HHAT: variants seen among roughly 807,000 people sequenced by gnomAD.
The protein encoded by HHAT is hedgehog acyltransferase.
A neutral mutation model predicts 70.8 loss-of-function variants in HHAT; 47 were observed. The ratio of observed to expected loss-of-function variants is 0.66; its 90% CI spans 0.53 to 0.85. The LOEUF (loss-of-function observed/expected upper bound fraction) is 0.85, where lower values mean the gene tolerates loss of function less well. Ranked by LOEUF, HHAT falls within the 40% of genes least tolerant of loss-of-function variation. The pLI, the probability that HHAT is intolerant of heterozygous loss-of-function variation, is 0.00. For missense variants in HHAT, 609 were observed against 604.8 expected (o/e 1.01, Z -0.07); for synonymous variants, 228 against 247.6 (o/e 0.92, Z 0.74).
intron 9 of HHAT, among the ~76,000 whole-genome samples, chr1:210,581,655 T>C (rs572644826): frequency 5.3e-5 from 8 of 152,320 alleles, no homozygotes; most frequent in Admixed American, 6.5e-5. Context: ...CTTTTGACTT[T>C]AGTAGGGTAA....
At chr1:210,521,980 C>T (rs78366024) in intron 9 of HHAT, among the ~76,000 whole-genome samples, 171 of 152,202 alleles carry the variant, frequency 1.1e-3, no homozygotes, top group African/African-American at 4.0e-3. Context: ...AAGATGAAGC[C>T]ATTATGGATG....
At chr1:210,501,956 C>T (rs1415324321) in intron 8 of HHAT, among the ~76,000 whole-genome samples, 1 of 151,936 alleles carries the variant, frequency 6.6e-6, no homozygotes, top group Non-Finnish European at 1.5e-5. Flanking sequence ...TGGGAACCCT[C>T]ATCCTTAGTC....
At chr1:210,535,080 T>C (rs1404026082) in intron 9 of HHAT, among the ~76,000 whole-genome samples, 1 of 152,144 alleles carries the variant, frequency 6.6e-6, no homozygotes, top group Non-Finnish European at 1.5e-5. Flanking sequence ...TAGAATTGTT[T>C]AGCTATGTTG....
chr1:210,387,322 G>A (rs191584487), intron 3 of HHAT, 146 bp from the exon 4 acceptor site: 20 of 658,552 alleles, frequency 3.0e-5, no homozygotes, highest in Admixed American at 4.6e-5. Flanking sequence ...TGTACAGGTG[G>A]GTGGGGAAAG....
intron 9 of HHAT, among the ~76,000 whole-genome samples, chr1:210,570,216 C>T (rs1264805051): frequency 1.3e-5 from 2 of 152,204 alleles, no homozygotes; most frequent in Admixed American, 1.3e-4. Context: ...ACATTCTGCT[C>T]TGGAATTACA....
At chr1:210,532,322 G>C (rs1387163344) in intron 9 of HHAT, among the ~76,000 whole-genome samples, 4 of 152,126 alleles carry the variant, frequency 2.6e-5, no homozygotes, top group Non-Finnish European at 4.4e-5. Context: ...GATATGTATT[G>C]TTTCTCCCTG....
At chr1:210,497,354 A>C (rs2094667681) in intron 8 of HHAT, among the ~76,000 whole-genome samples, 1 of 152,218 alleles carries the variant, frequency 6.6e-6, no homozygotes, top group Non-Finnish European at 1.5e-5. Flanking sequence ...TTGAAGTGCT[A>C]ATAGATCCTA....
intron 7 of HHAT, among the ~76,000 whole-genome samples, chr1:210,437,242 G>A (rs1453002957): frequency 6.6e-6 from 1 of 151,906 alleles, no homozygotes; most frequent in Non-Finnish European, 1.5e-5. Context: ...GATAAGACTA[G>A]TGAATCCCAT....
intron 6 of HHAT, among the ~76,000 whole-genome samples, chr1:210,410,447 GTT>G (rs34599460): frequency 5.0e-5 from 6 of 119,416 alleles, no homozygotes; most frequent in South Asian, 2.6e-4. Context: ...AAAACCTTTT[GTT>G]TTTTTTTTTT....
intron 2 of HHAT, among the ~76,000 whole-genome samples, chr1:210,356,436 TTAAA>T (rs1358791478): frequency 6.6e-6 from 1 of 152,166 alleles, no homozygotes; most frequent in Non-Finnish European, 1.5e-5. Context: ...TAATGTTTCT[TTAAA>T]TAAACTCTAG....
intron 9 of HHAT, among the ~76,000 whole-genome samples, chr1:210,575,294 C>T (rs1255097367): frequency 2.0e-5 from 3 of 152,084 alleles, no homozygotes; most frequent in African/African-American, 4.8e-5. Flanking sequence ...CTTTCAGCAT[C>T]GTCTTAGGAG....
chr1:210,651,956 A>G (rs1189049035), intron 11 of HHAT, among the ~76,000 whole-genome samples: 4 of 152,160 alleles, frequency 2.6e-5, no homozygotes, highest in African/African-American at 7.2e-5. Flanking sequence ...AGGCCCAGAA[A>G]TGGTGTGGCT....
Position 210,505,369 on chromosome 1 carries a change from G to T in HHAT, c.1008-7784G>T, listed in dbSNP as rs2094834849. On this transcript the variant is annotated intron_variant, in intron 8 of 11. Transcript: ENST00000261458. ...GATGTTGCTTGAGACTGAGAGGAGG[G>T]CAGCATTGGGACACTTTGAACAAAA... 2.6e-5 allele frequency among the ~76,000 whole-genome samples: 4 copies of T among 152,256 alleles called. No homozygotes were observed. In the South Asian group the frequency reaches 8.3e-4, roughly 32 times the overall value.
chr1:210,472,193 C>G (rs188348413), intron 8 of HHAT, among the ~76,000 whole-genome samples: 1 of 152,190 alleles, frequency 6.6e-6, no homozygotes, highest in African/African-American at 2.4e-5. Context: ...GAAAAAAAAT[C>G]CTCCCACACG....
intron 9 of HHAT, among the ~76,000 whole-genome samples, chr1:210,559,504 A>G (rs769215336): frequency 2.6e-5 from 4 of 152,242 alleles, no homozygotes; most frequent in Non-Finnish European, 5.9e-5. Context: ...TACATAGATC[A>G]TAGCTCACTT....
intron 9 of HHAT, among the ~76,000 whole-genome samples, chr1:210,566,563 A>G (rs1168147428): frequency 6.6e-6 from 1 of 152,136 alleles, no homozygotes; most frequent in Non-Finnish European, 1.5e-5. Context: ...TGAGACAAAG[A>G]GATGAGCTGA....
intron 8 of HHAT, among the ~76,000 whole-genome samples, chr1:210,466,769 A>T (rs1572647942): frequency 6.6e-6 from 1 of 150,958 alleles, no homozygotes; most frequent in South Asian, 2.1e-4. Context: ...TATTTTAATA[A>T]TTTTTTTTTT....
chr1:210,634,503 C>A (rs1671489799), intron 11 of HHAT, among the ~76,000 whole-genome samples: 1 of 152,138 alleles, frequency 6.6e-6, no homozygotes, highest in Non-Finnish European at 1.5e-5. Flanking sequence ...TGAAAAATAC[C>A]AGACAACATA....
intron 7 of HHAT, among the ~76,000 whole-genome samples, chr1:210,462,187 T>A (rs1436649691): frequency 6.6e-6 from 1 of 152,248 alleles, no homozygotes; most frequent in Non-Finnish European, 1.5e-5. Flanking sequence ...TTTGGCATCC[T>A]GTTAGCAGGG....
Sources: allele counts gnomAD v4.1 joint callset (sites outside exome capture counted in the v4.1 genomes callset), GRCh38; gene constraint gnomAD v4.1.1; transcripts MANE v1.5; gene names NCBI Gene and HGNC (gene_info 2026-07-23, HGNC 2026-07-21).